Variants in FARS2 observed in about 807,000 individuals in gnomAD.
The protein encoded by FARS2 is phenylalanine--tRNA ligase, mitochondrial.
In FARS2, 40 loss-of-function variants were observed where a neutral mutation model predicts 46.4. That is an observed-to-expected ratio of 0.86 (90% CI 0.67 to 1.12). FARS2 has a LOEUF of 1.12. FARS2 is among the 50% of genes most tolerant of loss of function. The probability of loss-of-function intolerance (pLI) is 0.00; values close to 1 mark genes in which losing one functional copy is unlikely to be tolerated. For synonymous variants in FARS2, 234 were observed against 214.9 expected (o/e 1.09, Z -0.78); for missense variants, 513 against 567.9 (o/e 0.90, Z 0.98).
intron 6 of FARS2, among the ~76,000 whole-genome samples, chr6:5,627,160 A>C (rs1776075514): frequency 6.6e-6 from 1 of 152,248 alleles, no homozygotes; most frequent in African/African-American, 2.4e-5. Flanking sequence ...TTATGGGACC[A>C]TCATTGCATA....
At chr6:5,378,958 T>C (rs1283000228) in intron 2 of FARS2, among the ~76,000 whole-genome samples, 1 of 152,220 alleles carries the variant, frequency 6.6e-6, no homozygotes, top group Non-Finnish European at 1.5e-5. Context: ...CCTTTTTCTG[T>C]GGCACAGGGC....
chr6:5,616,033 A>AAAC (rs1775460994), intron 6 of FARS2, among the ~76,000 whole-genome samples: 5 of 150,334 alleles, frequency 3.3e-5, no homozygotes, highest in East Asian at 3.9e-4. Flanking sequence ...AAAAAAAAAA[A>AAAC]AACAACGAAA....
At chr6:5,446,838 C>G (rs939455159) in intron 4 of FARS2, among the ~76,000 whole-genome samples, 1 of 152,238 alleles carries the variant, frequency 6.6e-6, no homozygotes, top group Admixed American at 6.5e-5. Context: ...CTTAGTCACC[C>G]ATTTCCCCCG....
intron 6 of FARS2, among the ~76,000 whole-genome samples, chr6:5,716,230 A>C (rs1240410144): frequency 3.9e-5 from 6 of 152,220 alleles, no homozygotes; most frequent in Admixed American, 3.3e-4. Flanking sequence ...AAAAGTCTCT[A>C]ATTATTACAT....
At position 5,641,020 on chromosome 6, in the gene FARS2, CA is replaced by C. The variant is rs1776789297; in HGVS notation, c.1217+27703del. ...TATGCTAATGGCAAAGCTTTCCTGA[CA>C]AAGCCTCCCAGTGCAGGCTGGAGAG... On this transcript the variant is annotated intron_variant, in intron 6 of 6. Coordinates refer to ENST00000274680, the MANE Select transcript of FARS2 (RefSeq NM_006567.5). Among the ~76,000 whole-genome samples, 5 of 152,304 alleles carry C rather than the reference CA, an allele frequency of 3.3e-5. 1 individual carries two copies. The South Asian group carries it at 1.0e-3, about 32-fold the overall frequency.
At chr6:5,453,482 T>C (rs1470116251) in intron 4 of FARS2, among the ~76,000 whole-genome samples, 1 of 152,114 alleles carries the variant, frequency 6.6e-6, no homozygotes, top group Non-Finnish European at 1.5e-5. Context: ...TGAGAAAAAA[T>C]TTCCCCTCAT....
intron 1 of FARS2, among the ~76,000 whole-genome samples, chr6:5,267,075 A>G (rs977958040): frequency 6.6e-6 from 1 of 151,724 alleles, no homozygotes; most frequent in African/African-American, 2.4e-5. Flanking sequence ...GGGTTCCCGT[A>G]TTTGTGGGCA....
chr6:5,611,938 AT>A (rs1775211652), intron 5 of FARS2, among the ~76,000 whole-genome samples: 3 of 152,088 alleles, frequency 2.0e-5, no homozygotes, highest in Non-Finnish European at 4.4e-5. Context: ...CTAAATTTCC[AT>A]TTTCCATAAG....
chr6:5,584,092 C>G (rs962969325), intron 5 of FARS2, among the ~76,000 whole-genome samples: 1 of 136,062 alleles, frequency 7.3e-6, no homozygotes, highest in Non-Finnish European at 1.6e-5. Flanking sequence ...GACATTCTCT[C>G]TCTCTTTCTC....
intron 5 of FARS2, among the ~76,000 whole-genome samples, chr6:5,547,508 A>T (rs1771108464): frequency 6.6e-6 from 1 of 151,970 alleles, no homozygotes; most frequent in South Asian, 2.1e-4. Context: ...TCTAATCAGG[A>T]GTTGAGTTGA....
intron 6 of FARS2, among the ~76,000 whole-genome samples, chr6:5,698,479 G>A (rs1009974655): frequency 2.6e-5 from 4 of 152,174 alleles, no homozygotes; most frequent in African/African-American, 9.7e-5. Context: ...ATGAGATTTG[G>A]GCAGGGACAA....
At chr6:5,535,884 C>A (rs1770162242) in intron 4 of FARS2, among the ~76,000 whole-genome samples, 1 of 151,962 alleles carries the variant, frequency 6.6e-6, no homozygotes, top group Non-Finnish European at 1.5e-5. Context: ...TGGGGTAAAT[C>A]CATTTGATCA....
chr6:5,457,097 C>G (rs1764933626), intron 4 of FARS2: 1 of 152,462 alleles, frequency 6.6e-6, no homozygotes, highest in African/African-American at 2.4e-5. Context: ...CCTCCCTTTC[C>G]CCTACATATG....
At chr6:5,593,549 A>G (rs531332506) in intron 5 of FARS2, among the ~76,000 whole-genome samples, 68 of 152,326 alleles carry the variant, frequency 4.5e-4, no homozygotes, top group Non-Finnish European at 6.0e-4. Flanking sequence ...CAACTCTGCC[A>G]AAAGGAAGTT....
chr6:5,410,495 A>G (rs1245727551), intron 3 of FARS2, among the ~76,000 whole-genome samples: 1 of 152,088 alleles, frequency 6.6e-6, no homozygotes, highest in Admixed American at 6.6e-5. Context: ...CAGAAGCACT[A>G]ATTAGTTATG....
chr6:5,267,192 TAAAGG>T (rs1195532355), intron 1 of FARS2, among the ~76,000 whole-genome samples: 1 of 152,046 alleles, frequency 6.6e-6, no homozygotes, highest in African/African-American at 2.4e-5. Flanking sequence ...CTTTTCATTG[TAAAGG>T]AAAGAAACCA....
chr6:5,515,635 G>C (rs1768740011), intron 4 of FARS2, among the ~76,000 whole-genome samples: 1 of 151,958 alleles, frequency 6.6e-6, no homozygotes, highest in Non-Finnish European at 1.5e-5. Context: ...TGCCATGTTG[G>C]CCAGGCTGGT....
At chr6:5,305,654 G>A (rs746257112) in intron 1 of FARS2, among the ~76,000 whole-genome samples, 7 of 152,224 alleles carry the variant, frequency 4.6e-5, no homozygotes, top group African/African-American at 1.7e-4. Flanking sequence ...GATGGTGGGT[G>A]ACTGGGGACC....
chr6:5,264,426 C>T (rs1046137499), intron 1 of FARS2, among the ~76,000 whole-genome samples: 5 of 151,894 alleles, frequency 3.3e-5, no homozygotes, highest in African/African-American at 7.3e-5. Context: ...TTTCCTCATT[C>T]GTTCATTCCT....
Sources: allele counts gnomAD v4.1 joint callset (sites outside exome capture counted in the v4.1 genomes callset), GRCh38; gene constraint gnomAD v4.1.1; transcripts MANE v1.5; gene names NCBI Gene and HGNC (gene_info 2026-07-23, HGNC 2026-07-21).